TFEC: variants seen among roughly 807,000 people sequenced by gnomAD.
The protein encoded by TFEC is class E basic helix-loop-helix protein 34.
A neutral mutation model predicts 41.6 loss-of-function variants in TFEC; 31 were observed. The observed-to-expected ratio is 0.74, with a 90% confidence interval of 0.56 to 1.01. The LOEUF is 1.01. Ranked by LOEUF, TFEC falls within the 50% of genes least tolerant of loss-of-function variation. The pLI is 0.00. For missense variants in TFEC, 402 were observed against 404.1 expected, an observed-to-expected ratio of 0.99 and a Z score of 0.04; for synonymous variants, 143 against 140.6, an observed-to-expected ratio of 1.02 and a Z score of -0.12.
At chr7:116,127,492 T>C (rs1798238325) in intron 1 of TFEC, among the ~76,000 whole-genome samples, 1 of 152,168 alleles carries the variant, frequency 6.6e-6, no homozygotes. Flanking sequence ...TTCCATTGTC[T>C]TTTCTCTGTT....
At position 115,972,585 on chromosome 7, in the gene TFEC, A is replaced by G. The variant is rs141776643; in HGVS notation, c.267+1585T>C. On this transcript the variant is annotated intron_variant, in intron 3 of 7. Transcript: ENST00000265440. ...GTGTGAATATTATGCTTTACATATA[A>G]TAAGTATTCAGTAAATATTTGGTTA... 5.3e-5 allele frequency among the ~76,000 whole-genome samples: 8 copies of G among 152,246 alleles called. No homozygotes were observed. In the East Asian group the frequency reaches 1.5e-3, roughly 29 times the overall value.
intron 3 of TFEC, among the ~76,000 whole-genome samples, chr7:116,102,229 C>A (rs1421569253): frequency 1.3e-5 from 2 of 152,160 alleles, no homozygotes; most frequent in African/African-American, 4.8e-5. Flanking sequence ...CTCTTCCCAG[C>A]ACTCAAAGCA....
At chr7:116,147,168 T>C (rs528184282) in intron 1 of TFEC, among the ~76,000 whole-genome samples, 1 of 152,292 alleles carries the variant, frequency 6.6e-6, no homozygotes, top group South Asian at 2.1e-4. Flanking sequence ...AGAAAAAAGA[T>C]GTAGAAGAAA....
At chr7:115,954,974 A>G (rs1361295692) in intron 4 of TFEC, among the ~76,000 whole-genome samples, 1 of 152,070 alleles carries the variant, frequency 6.6e-6, no homozygotes, top group Non-Finnish European at 1.5e-5. Context: ...AATCATTGTG[A>G]TAACCAAAAG....
chr7:116,014,046 T>G (rs368969596), intron 1 of TFEC, among the ~76,000 whole-genome samples: 7 of 152,186 alleles, frequency 4.6e-5, no homozygotes, highest in African/African-American at 1.7e-4. Flanking sequence ...AAATATACAC[T>G]GAACAGACCC....
chr7:115,945,731 A>G (rs908993671), intron 6 of TFEC, among the ~76,000 whole-genome samples: 4 of 151,818 alleles, frequency 2.6e-5, no homozygotes, highest in African/African-American at 7.2e-5. Context: ...TAAGGAAGAG[A>G]AAAACAATGC....
intron 1 of TFEC, among the ~76,000 whole-genome samples, chr7:116,141,641 T>C (rs1340160245): frequency 6.6e-6 from 1 of 152,138 alleles, no homozygotes; most frequent in Non-Finnish European, 1.5e-5. Context: ...CAGTCAAAGT[T>C]AGATGTATTA....
chr7:116,154,651 ATATTAAG>A (rs1584580899), intron 1 of TFEC, among the ~76,000 whole-genome samples: 1 of 152,158 alleles, frequency 6.6e-6, no homozygotes, highest in Non-Finnish European at 1.5e-5. Flanking sequence ...ATTCTTTAAG[ATATTAAG>A]TATTAATATT....
chr7:115,942,357 G>A (rs2130200251), intron 6 of TFEC, among the ~76,000 whole-genome samples: 1 of 152,074 alleles, frequency 6.6e-6, no homozygotes, highest in East Asian at 1.9e-4. Context: ...TTAACTCCAA[G>A]ATTAAAATCT....
intron 3 of TFEC, among the ~76,000 whole-genome samples, chr7:116,049,001 C>T (rs1161926191): frequency 6.6e-6 from 1 of 152,322 alleles, no homozygotes; most frequent in South Asian, 2.1e-4. Flanking sequence ...TGGAAAGGAA[C>T]AGCCAGTACC....
At chr7:115,957,897 A>C (rs1023306550) in intron 3 of TFEC, among the ~76,000 whole-genome samples, 10 of 152,022 alleles carry the variant, frequency 6.6e-5, no homozygotes, top group African/African-American at 2.2e-4. Context: ...ATCCAAAATT[A>C]GTTTCTGAGA....
At position 116,103,721 on chromosome 7, in the gene TFEC, G is replaced by A. The variant is rs188035226; in HGVS notation, c.198+6987C>T. Among the ~76,000 whole-genome samples the A allele has an allele frequency of 2.1e-4, 32 of 152,046 alleles. No homozygotes were observed. In the East Asian group the frequency reaches 4.8e-3, roughly 23 times the overall value. Reference sequence around the variant, plus strand: ...AGAAATAATTAGTATCTATGTCTCCGGACACGCATATTTAAAAGATAATTG... The same window carrying A: ...AGAAATAATTAGTATCTATGTCTCCAGACACGCATATTTAAAAGATAATTG... On this transcript the variant is annotated intron_variant, in intron 3 of 8. Transcript: ENST00000484212.
At chr7:116,052,974 A>C (rs1476630433) in intron 3 of TFEC, among the ~76,000 whole-genome samples, 1 of 151,968 alleles carries the variant, frequency 6.6e-6, no homozygotes, top group African/African-American at 2.4e-5. Context: ...CGGGAGGCTG[A>C]GGCAGGAGAA....
intron 3 of TFEC, among the ~76,000 whole-genome samples, chr7:116,046,727 T>TA (rs1157975766): frequency 6.6e-6 from 1 of 152,188 alleles, no homozygotes; most frequent in African/African-American, 2.4e-5. Flanking sequence ...TGGGTCAGCT[T>TA]ACTCCCCACT....
chr7:116,131,636 T>C (rs1270730750), intron 1 of TFEC, among the ~76,000 whole-genome samples: 6 of 152,184 alleles, frequency 3.9e-5, no homozygotes, highest in African/African-American at 1.4e-4. Context: ...TAATTAGCAC[T>C]GTCCACTGTC....
At chr7:116,152,783 C>T (rs1332258360) in intron 1 of TFEC, among the ~76,000 whole-genome samples, 1 of 151,952 alleles carries the variant, frequency 6.6e-6, no homozygotes, top group African/African-American at 2.4e-5. Context: ...GAGCAAAGCT[C>T]AAAAATATTT....
At chr7:116,139,103 T>C (rs982620285) in intron 1 of TFEC, among the ~76,000 whole-genome samples, 7 of 152,152 alleles carry the variant, frequency 4.6e-5, no homozygotes, top group African/African-American at 7.2e-5. Flanking sequence ...GAATCTACTC[T>C]TCTAAAGCAA....
intron 3 of TFEC, among the ~76,000 whole-genome samples, chr7:116,096,120 G>T (rs1345068509): frequency 6.6e-6 from 1 of 151,974 alleles, no homozygotes; most frequent in African/African-American, 2.4e-5. Flanking sequence ...AACTCTTACA[G>T]GACTTTTTCC....
At chr7:115,941,737 A>G in intron 7 of TFEC, 156 bp downstream of exon 7, 1 of 922,956 alleles carries the variant, frequency 1.1e-6, no homozygotes, top group Non-Finnish European at 1.6e-6. Flanking sequence ...AATTGAAACA[A>G]CCCAATTCAC....
Sources: allele counts gnomAD v4.1 joint callset (sites outside exome capture counted in the v4.1 genomes callset), GRCh38; gene constraint gnomAD v4.1.1; transcripts MANE v1.5; gene names NCBI Gene and HGNC (gene_info 2026-07-23, HGNC 2026-07-21).